The following GLRA2 variants were observed in gnomAD, a reference collection of about 807,000 sequenced individuals.
GLRA2 encodes the protein glycine receptor subunit alpha-2.
Under a neutral mutation model 31.6 loss-of-function variants are expected in GLRA2, and 11 were observed. That is an observed-to-expected ratio of 0.35 (90% CI 0.22 to 0.58). The LOEUF (loss-of-function observed/expected upper bound fraction) is 0.58, where lower values mean the gene tolerates loss of function less well. GLRA2 is among the 20% of genes least tolerant of loss of function. The pLI, the probability that GLRA2 is intolerant of heterozygous loss-of-function variation, is 0.84. For missense variants in GLRA2, 212 were observed against 351.8 expected (o/e 0.60, Z 3.18); for synonymous variants, 132 against 134.0 (o/e 0.99, Z 0.10).
chrX:14,625,719 G>T (rs1243037254), intron 7 of GLRA2, among the ~76,000 whole-genome samples: 1 of 111,824 alleles, frequency 8.9e-6, no homozygotes, highest in Non-Finnish European at 1.9e-5. Flanking sequence ...TGAGAGAACT[G>T]CCAGACATCA....
intron 3 of GLRA2, among the ~76,000 whole-genome samples, chrX:14,579,382 T>C (rs2147063399): frequency 9.1e-6 from 1 of 109,697 alleles, no homozygotes; most frequent in African/African-American, 3.3e-5. Context: ...CAGGCTGGAG[T>C]GCAGTGGTGC....
chrX:14,574,607 G>A (rs2089928294), intron 3 of GLRA2: 1 of 927,632 alleles, frequency 1.1e-6, no homozygotes, highest in Non-Finnish European at 1.6e-6. Flanking sequence ...AATGGGATGT[G>A]GGATTGAAGT....
At chrX:14,468,115 A>G in the GLRA2 span, among the ~76,000 whole-genome samples, 6 of 112,035 alleles carry the variant, frequency 5.4e-5, no homozygotes, top group African/African-American at 1.9e-4. Flanking sequence ...GGATGAATGT[A>G]AAAGGAAAAA....
intron 7 of GLRA2, among the ~76,000 whole-genome samples, chrX:14,656,465 C>A (rs978178816): frequency 8.9e-6 from 1 of 111,761 alleles, no homozygotes; most frequent in Non-Finnish European, 1.9e-5. Context: ...AGTGTATAAT[C>A]ATTGTTCAAT....
At chrX:14,701,450 C>G (rs1455389336) in intron 8 of GLRA2, among the ~76,000 whole-genome samples, 1 of 111,517 alleles carries the variant, frequency 9.0e-6, no homozygotes, top group Non-Finnish European at 1.9e-5. Context: ...TAGCACCCCT[C>G]TGTGTATGGA....
At chrX:14,518,016 A>T in the GLRA2 span, among the ~76,000 whole-genome samples, 1 of 111,538 alleles carries the variant, frequency 9.0e-6, no homozygotes, top group Non-Finnish European at 1.9e-5. Flanking sequence ...CATATAGAAG[A>T]CAAAGGAAAC....
In GLRA2 at chrX:14,537,000, T is replaced by C. The variant is rs2089333744; in HGVS notation, c.202+4628T>C. ...AGAACTAAGCCCAATTCCAAGACAG[T>C]TGACACTCCCATTAGGGCAATTACT... is the stretch of plus-strand genomic sequence containing the variant. On this transcript the variant is annotated intron_variant, in intron 2 of 8. Transcript: ENST00000218075. Among the ~76,000 whole-genome samples, 6 of 111,190 alleles carry C rather than the reference T, an allele frequency of 5.4e-5. No homozygotes were observed. In the Admixed American group the frequency reaches 5.8e-4, roughly 11 times the overall value.
At chrX:14,608,015 T>C (rs765638817) in intron 6 of GLRA2, among the ~76,000 whole-genome samples, 33 of 111,758 alleles carry the variant, frequency 3.0e-4, no homozygotes, top group African/African-American at 1.1e-3. Flanking sequence ...CAAGACATGA[T>C]GGTTTGTCCA....
At chrX:14,589,873 C>G (rs1308799642) in intron 4 of GLRA2, among the ~76,000 whole-genome samples, 1 of 109,176 alleles carries the variant, frequency 9.2e-6, no homozygotes, top group African/African-American at 3.3e-5. Context: ...AGCTATGACC[C>G]TCCAACTGTT....
the GLRA2 span, among the ~76,000 whole-genome samples, chrX:14,501,602 G>A: frequency 9.9e-5 from 11 of 111,493 alleles, no homozygotes; most frequent in Admixed American, 1.9e-4. Flanking sequence ...CCTACGAGCC[G>A]TTCCAGAATT....
chrX:14,699,398 T>C (rs1422603615), intron 8 of GLRA2, among the ~76,000 whole-genome samples: 1 of 112,347 alleles, frequency 8.9e-6, no homozygotes, highest in Non-Finnish European at 1.9e-5. Flanking sequence ...GGTTATGGCA[T>C]GTGGGCCACC....
In GLRA2 at chrX:14,704,824, A is replaced by C. The variant is rs6630865; in HGVS notation, c.1080+13965A>C. ...TTTGTTTTAGATAAGGGGCAGATAA[A>C]AAAAACTGCTTGAAACCTGTTTTCA... On this transcript the variant is annotated intron_variant, in intron 8 of 8. Coordinates refer to ENST00000218075, the MANE Select transcript of GLRA2 (RefSeq NM_002063.4). Among the ~76,000 whole-genome samples, 12 of 112,170 alleles carry C rather than the reference A, an allele frequency of 1.1e-4. No individual in the cohort carries two copies. In the East Asian group the frequency reaches 2.2e-3, roughly 21 times the overall value.
intron 4 of GLRA2, among the ~76,000 whole-genome samples, chrX:14,592,991 G>T (rs932974761): frequency 3.6e-5 from 4 of 111,925 alleles, no homozygotes; most frequent in Admixed American, 1.9e-4. Context: ...ATGGCAGAAA[G>T]CCAAAGGAAA....
the GLRA2 span, among the ~76,000 whole-genome samples, chrX:14,487,618 A>G: frequency 9.0e-6 from 1 of 111,359 alleles, no homozygotes; most frequent in Non-Finnish European, 1.9e-5. Flanking sequence ...TTCCATGCAT[A>G]TATGTTCAGC....
In GLRA2 at chrX:14,577,567, A is replaced by T. The variant is rs969786842; in HGVS notation, c.270+3167A>T. On this transcript the variant is annotated intron_variant, in intron 3 of 8. Coordinates refer to ENST00000218075, the MANE Select transcript of GLRA2 (RefSeq NM_002063.4). ...GCTGGAAGTGTGAGATCAGGGTACT[A>T]GCATGGTCAGGTTCTGATGAGAACT... Among the ~76,000 whole-genome samples the T allele has an allele frequency of 2.7e-5, 3 of 112,094 alleles. No individual in the cohort carries two copies. The Admixed American group carries it at 2.8e-4, about 11-fold the overall frequency.
At chrX:14,493,105 A>G in the GLRA2 span, among the ~76,000 whole-genome samples, 2 of 111,446 alleles carry the variant, frequency 1.8e-5, no homozygotes, top group Non-Finnish European at 3.8e-5. Flanking sequence ...TTAAGCTCTA[A>G]TATATGAATT....
chrX:14,630,835 C>G (rs1291034710), intron 7 of GLRA2, among the ~76,000 whole-genome samples: 1 of 95,233 alleles, frequency 1.1e-5, no homozygotes, highest in Non-Finnish European at 2.1e-5. Context: ...ACCTTAAGTT[C>G]TAGGGTACAT....
the GLRA2 span, among the ~76,000 whole-genome samples, chrX:14,515,498 G>A: frequency 3.6e-5 from 4 of 111,508 alleles, no homozygotes; most frequent in East Asian, 1.1e-3. Flanking sequence ...CTTGATACGT[G>A]TTAGATCTTG....
chrX:14,512,305 G>A, the GLRA2 span, among the ~76,000 whole-genome samples: 1 of 111,562 alleles, frequency 9.0e-6, no homozygotes, highest in Non-Finnish European at 1.9e-5. Context: ...CAAATCCACA[G>A]CCATCATAAT....
Sources: gnomAD v4.1 joint callset for allele counts (sites outside exome capture counted in the v4.1 genomes callset) on GRCh38, gnomAD v4.1.1 for gene constraint, MANE v1.5 for transcripts, NCBI Gene and HGNC (gene_info 2026-07-23, HGNC 2026-07-21) for gene names.